Variants in CNGA1 observed in about 807,000 individuals in gnomAD.
CNGA1 encodes cyclic nucleotide gated channel subunit alpha 1.
Under a neutral mutation model 69.7 loss-of-function variants are expected in CNGA1, and 53 were observed. The ratio of observed to expected loss-of-function variants is 0.76; its 90% CI spans 0.61 to 0.96. The LOEUF is 0.96. Among genes scored for constraint, CNGA1 ranks in the 40% least tolerant of loss-of-function variants. The pLI, the probability that CNGA1 is intolerant of heterozygous loss-of-function variation, is 0.00. For missense variants in CNGA1, 739 were observed against 811.2 expected (o/e 0.91, Z 1.08); for synonymous variants, 249 against 283.5 (o/e 0.88, Z 1.22).
At chr4:47,942,360 T>G (rs1248685772) in intron 8 of CNGA1, among the ~76,000 whole-genome samples, 1 of 5,148 alleles carries the variant, frequency 1.9e-4, no homozygotes, top group Non-Finnish European at 3.6e-4. Flanking sequence ...AAACTACCAG[T>G]TTTTTTTTTT....
rs10709670 is a variant in CNGA1, at chr4:47,942,012, C to CA, written c.545+28dup. 43,248 of 1,146,434 alleles carry CA rather than the reference C, an allele frequency of 0.038. 17 individuals carry two copies. The highest frequency in any genetic ancestry group is 0.053 in the Middle Eastern group (213 of 4,036). The allele number at this position is 1,146,434 out of a possible 1,614,324, so 71.0% of individuals were successfully genotyped here. On this transcript the variant is annotated intron_variant, in intron 9 of 10. Coordinates refer to ENST00000514170, the MANE Select transcript of CNGA1 (RefSeq NM_001379270.1). ...GAAACTAGAAATGGGGTGAGATCCA[C>CA]AAAAAAAAAAAAAAAAAATTATAGA...
At chr4:47,948,431 A>T (rs920701260) in intron 6 of CNGA1, among the ~76,000 whole-genome samples, 2 of 152,246 alleles carry the variant, frequency 1.3e-5, no homozygotes, top group African/African-American at 4.8e-5. Flanking sequence ...TGGTCTGGGA[A>T]CTATGGGGTC....
At chr4:47,963,464 A>C (rs769980389) in intron 3 of CNGA1, among the ~76,000 whole-genome samples, 1 of 152,166 alleles carries the variant, frequency 6.6e-6, no homozygotes, top group Non-Finnish European at 1.5e-5. Flanking sequence ...GGTTGTGGGA[A>C]CTTCCTGCCT....
At chr4:48,007,394 A>G (rs1714967346) in intron 2 of CNGA1, among the ~76,000 whole-genome samples, 1 of 152,146 alleles carries the variant, frequency 6.6e-6, no homozygotes, top group African/African-American at 2.4e-5. Context: ...TTACAATCCC[A>G]CATGCCCACC....
At chr4:47,979,956 T>A (rs1741612409) in intron 3 of CNGA1, among the ~76,000 whole-genome samples, 1 of 152,228 alleles carries the variant, frequency 6.6e-6, no homozygotes, top group South Asian at 2.1e-4. Flanking sequence ...ACTTTCCTCA[T>A]TAATTTCTAA....
At chr4:48,015,505 C>T (rs2109360954) in intron 1 of CNGA1, among the ~76,000 whole-genome samples, 1 of 152,306 alleles carries the variant, frequency 6.6e-6, no homozygotes. Context: ...TACCTGAGTA[C>T]ATGAGAATAT....
At chr4:48,005,163 G>C (rs1284705515) in intron 2 of CNGA1, among the ~76,000 whole-genome samples, 1 of 151,570 alleles carries the variant, frequency 6.6e-6, no homozygotes, top group Non-Finnish European at 1.5e-5. Context: ...TTGTTGCCAG[G>C]ATGGAGTGCA....
chr4:48,010,338 A>G (rs1715099963), intron 2 of CNGA1, among the ~76,000 whole-genome samples: 2 of 152,236 alleles, frequency 1.3e-5, no homozygotes, highest in African/African-American at 4.8e-5. Flanking sequence ...GGTCTTCAAA[A>G]AGAGAATTAT....
chr4:47,945,423 G>T (rs923182807), intron 6 of CNGA1, among the ~76,000 whole-genome samples: 7 of 152,096 alleles, frequency 4.6e-5, no homozygotes, highest in Non-Finnish European at 1.0e-4. Context: ...CCATTACTTA[G>T]ATCACTATAC....
intron 2 of CNGA1, among the ~76,000 whole-genome samples, chr4:48,002,685 A>C (rs139912934): frequency 2.2e-4 from 4 of 18,460 alleles, no homozygotes; most frequent in Non-Finnish European, 3.3e-4. Context: ...CAGACATGCA[A>C]AAAAAAAAAA....
intron 1 of CNGA1, chr4:48,013,093 T>C (rs1271879830): frequency 1.3e-5 from 2 of 152,228 alleles, no homozygotes; most frequent in African/African-American, 4.8e-5. Flanking sequence ...ACTTTAGATC[T>C]TGACCAAATT....
At chr4:47,989,848 G>A (rs965352865) in intron 2 of CNGA1, among the ~76,000 whole-genome samples, 8 of 151,450 alleles carry the variant, frequency 5.3e-5, no homozygotes, top group Admixed American at 4.6e-4. Flanking sequence ...TTCTTATTGC[G>A]GGAAGTCAAG....
At chr4:47,956,017 C>A (rs1435417205) in intron 3 of CNGA1, among the ~76,000 whole-genome samples, 3 of 152,226 alleles carry the variant, frequency 2.0e-5, no homozygotes, top group Non-Finnish European at 4.4e-5. Context: ...GCCCACATAA[C>A]CCATTCTTCT....
At position 47,937,054 on chromosome 4, in the gene CNGA1, A is replaced by T. The variant is rs966680788; in HGVS notation, c.1428T>A (p.Phe476Leu). The change falls in exon 11 of 11, where the codon TTT becomes TTA. Residue 476 changes from phenylalanine to leucine, a missense_variant. Transcript: ENST00000514170. The part of the protein sequence containing the change: ...HLDTLKKVRI[F>L]ADCEAGLLVE... The stretch of plus-strand genomic sequence containing the variant: ...CCAACAGACCAGCTTCACAATCAGC[A>T]AAAATGCGTACCTTTTTTAATGTGT... 5 of 1,614,250 alleles carry T rather than the reference A, an allele frequency of 3.1e-6. No homozygotes were observed. The highest frequency in any genetic ancestry group is 4.2e-6 in the Non-Finnish European group (5 of 1,180,050).
chr4:47,976,244 TATATATATACACATACATATATATATAC>T (rs1489768917), intron 3 of CNGA1, among the ~76,000 whole-genome samples: 5 of 54,140 alleles, frequency 9.2e-5, no homozygotes, highest in African/African-American at 3.5e-4. Flanking sequence ...TATATATGTA[TATATATATACACATACATATATATATAC>T]ATATATATGT....
intron 3 of CNGA1, among the ~76,000 whole-genome samples, chr4:47,973,606 A>G (rs1222916412): frequency 6.6e-6 from 1 of 152,154 alleles, no homozygotes; most frequent in Non-Finnish European, 1.5e-5. Context: ...AGTAAAATAT[A>G]TACCTTTGTA....
Position 47,943,423 on chromosome 4 carries a change from A to C in CNGA1, c.288-11T>G. 2 of 1,402,420 alleles carry C rather than the reference A, an allele frequency of 1.4e-6. No homozygotes were observed. Among genetic ancestry groups the C allele is most frequent in the Non-Finnish European group, 1.9e-6 (2 of 1,035,938 alleles). 86.9% of individuals were successfully genotyped at this position (1,402,420 alleles called of 1,614,324 possible). Reference sequence around the variant, plus strand: ...TTTTCTTCTGGTTCCCTAAAGAAAAAAATAATATATCTGTCACATAATCAC... The same window carrying C: ...TTTTCTTCTGGTTCCCTAAAGAAAACAATAATATATCTGTCACATAATCAC... On this transcript the variant is annotated splice_polypyrimidine_tract_variant and intron_variant, in intron 6 of 10. Coordinates refer to ENST00000514170, the MANE Select transcript of CNGA1 (RefSeq NM_001379270.1).
At chr4:47,970,395 A>G (rs142751465) in intron 3 of CNGA1, among the ~76,000 whole-genome samples, 1 of 152,278 alleles carries the variant, frequency 6.6e-6, no homozygotes, top group East Asian at 1.9e-4. Flanking sequence ...TCACACCTGT[A>G]ATCCCAGCAC....
intron 2 of CNGA1, among the ~76,000 whole-genome samples, chr4:47,986,587 CCTT>C (rs1216302589): frequency 2.0e-5 from 3 of 151,756 alleles, no homozygotes; most frequent in African/African-American, 4.8e-5. Flanking sequence ...AAATAATAAT[CCTT>C]CATAAAGGCA....
Sources: gnomAD v4.1 joint callset for allele counts (sites outside exome capture counted in the v4.1 genomes callset) on GRCh38, gnomAD v4.1.1 for gene constraint, MANE v1.5 for transcripts, NCBI Gene and HGNC (gene_info 2026-07-23, HGNC 2026-07-21) for gene names.